Variants in MAML3 observed in about 807,000 individuals in gnomAD.
MAML3 encodes the protein mastermind like transcriptional coactivator 3, also known as mastermind-like protein 3.
A neutral mutation model predicts 101.9 loss-of-function variants in MAML3; 27 were observed. That is an observed-to-expected ratio of 0.27 (90% CI 0.20 to 0.37). The LOEUF (loss-of-function observed/expected upper bound fraction) is 0.37. Ranked by LOEUF, MAML3 falls within the 10% of genes least tolerant of loss-of-function variation. The pLI is 1.00. For synonymous variants in MAML3, 501 were observed against 555.9 expected, an observed-to-expected ratio of 0.90 and a Z score of 1.39; for missense variants, 1,316 against 1,444.9, an observed-to-expected ratio of 0.91 and a Z score of 1.45.
At chr4:139,734,168 T>TA (rs1170214331) in intron 2 of MAML3, among the ~76,000 whole-genome samples, 16 of 152,344 alleles carry the variant, frequency 1.1e-4, no homozygotes, top group African/African-American at 3.6e-4. Flanking sequence ...CCGAGGCCAC[T>TA]AACATAATAC....
intron 2 of MAML3, among the ~76,000 whole-genome samples, chr4:139,888,161 A>T (rs13121182): frequency 6.6e-6 from 1 of 151,888 alleles, no homozygotes; most frequent in African/African-American, 2.4e-5. Flanking sequence ...CTGCAGCTCC[A>T]TCAAGCTTGG....
chr4:139,748,223 G>A (rs533732623), intron 2 of MAML3, among the ~76,000 whole-genome samples: 5 of 152,248 alleles, frequency 3.3e-5, no homozygotes, highest in Admixed American at 2.0e-4. Context: ...GCCTAAACAG[G>A]AAGATGGGAA....
intron 1 of MAML3, among the ~76,000 whole-genome samples, chr4:139,984,992 A>C (rs921822822): frequency 2.6e-5 from 4 of 152,258 alleles, no homozygotes; most frequent in Non-Finnish European, 4.4e-5. Flanking sequence ...CAGCTGTTGC[A>C]GCTTTCTGCA....
At chr4:139,993,293 A>C (rs1560860230) in intron 1 of MAML3, among the ~76,000 whole-genome samples, 2 of 151,190 alleles carry the variant, frequency 1.3e-5, no homozygotes, top group Non-Finnish European at 2.9e-5. Flanking sequence ...TGGAGGTTGC[A>C]GTGAGCTGAG....
intron 2 of MAML3, among the ~76,000 whole-genome samples, chr4:139,786,823 T>C (rs1730311705): frequency 1.3e-5 from 2 of 152,220 alleles, no homozygotes; most frequent in South Asian, 4.1e-4. Flanking sequence ...GCCAGGTTAA[T>C]GCTAGTACAG....
intron 1 of MAML3, among the ~76,000 whole-genome samples, chr4:140,010,691 A>C (rs970937660): frequency 1.3e-5 from 2 of 152,302 alleles, no homozygotes; most frequent in East Asian, 3.9e-4. Flanking sequence ...AAATCCTTTA[A>C]GATCAGTGAA....
intron 2 of MAML3, among the ~76,000 whole-genome samples, chr4:139,760,159 A>G (rs1729727164): frequency 6.6e-6 from 1 of 152,244 alleles, no homozygotes; most frequent in African/African-American, 2.4e-5. Flanking sequence ...AGAGTTCTCT[A>G]ACGGGGAGTG....
chr4:139,762,480 C>T (rs1395470953), intron 2 of MAML3, among the ~76,000 whole-genome samples: 1 of 152,222 alleles, frequency 6.6e-6, no homozygotes, highest in South Asian at 2.1e-4. Context: ...TTGTGGCTGG[C>T]CCTGATTAAT....
intron 1 of MAML3, among the ~76,000 whole-genome samples, chr4:140,066,737 G>A (rs899301267): frequency 4.6e-5 from 7 of 152,212 alleles, no homozygotes; most frequent in African/African-American, 1.2e-4. Flanking sequence ...GCCTAGAATA[G>A]CCAAACACTT....
chr4:139,895,144 C>A (rs77727900), intron 1 of MAML3, among the ~76,000 whole-genome samples: 1 of 152,192 alleles, frequency 6.6e-6, no homozygotes, highest in Non-Finnish European at 1.5e-5. Context: ...TCACCTCTTA[C>A]GGCTGAGTGA....
At chr4:139,895,483 C>T (rs7692816) in intron 1 of MAML3, among the ~76,000 whole-genome samples, 2,555 of 152,224 alleles carry the variant, frequency 0.017, 36 homozygotes, top group Non-Finnish European at 0.025. Flanking sequence ...ACAGAGTTAC[C>T]GTGAGTCTGA....
At chr4:140,041,059 G>T (rs992655286) in intron 1 of MAML3, among the ~76,000 whole-genome samples, 1 of 151,976 alleles carries the variant, frequency 6.6e-6, no homozygotes, top group Admixed American at 6.6e-5. Flanking sequence ...TTTTTAAAAT[G>T]CTTATATTCC....
intron 1 of MAML3, among the ~76,000 whole-genome samples, chr4:140,139,047 G>A (rs1279074469): frequency 6.6e-6 from 1 of 152,162 alleles, no homozygotes. Flanking sequence ...CAAGGCAGGA[G>A]GATCGCTTAA....
At chr4:140,011,126 T>TAC (rs1427446752) in intron 1 of MAML3, among the ~76,000 whole-genome samples, 27 of 74,966 alleles carry the variant, frequency 3.6e-4, no homozygotes, top group East Asian at 6.2e-4. Context: ...TGTGTGTATA[T>TAC]ATATATATAT....
At chr4:139,940,316 G>T (rs1308055069) in intron 1 of MAML3, among the ~76,000 whole-genome samples, 1 of 152,004 alleles carries the variant, frequency 6.6e-6, no homozygotes, top group Non-Finnish European at 1.5e-5. Context: ...TTTTCTCTAC[G>T]TGTATCCTAC....
At chr4:139,879,352 C>A (rs1184192252) in intron 2 of MAML3, among the ~76,000 whole-genome samples, 1 of 151,186 alleles carries the variant, frequency 6.6e-6, no homozygotes, top group African/African-American at 2.4e-5. Context: ...ATGGTGAAAC[C>A]CCATGTCTAC....
chr4:140,071,755 T>TAGAGAGAGAGAGAGAGAGAGAGAGAG (rs11268401), intron 1 of MAML3, among the ~76,000 whole-genome samples: 13 of 137,268 alleles, frequency 9.5e-5, no homozygotes, highest in African/African-American at 1.1e-4. Context: ...GGACCAGGAT[T>TAGAGAGAGAGAGAGAGAGAGAGAGAG]AGAGAGAGAG....
chr4:140,070,251 C>T (rs921593757), intron 1 of MAML3, among the ~76,000 whole-genome samples: 1 of 152,192 alleles, frequency 6.6e-6, no homozygotes, highest in Non-Finnish European at 1.5e-5. Context: ...TTAGCAAGTG[C>T]TTCAGAAATA....
chr4:140,071,705 A>G (rs923293912), intron 1 of MAML3, among the ~76,000 whole-genome samples: 14 of 151,426 alleles, frequency 9.2e-5, no homozygotes, highest in African/African-American at 3.4e-4. Context: ...TCTCTTTCAG[A>G]TCCAATACAC....
Sources: gnomAD v4.1 joint callset for allele counts (sites outside exome capture counted in the v4.1 genomes callset) on GRCh38, gnomAD v4.1.1 for gene constraint, MANE v1.5 for transcripts, NCBI Gene and HGNC (gene_info 2026-07-23, HGNC 2026-07-21) for gene names.